The following CLCN3 variants were observed in gnomAD, a reference collection of about 807,000 sequenced individuals.
CLCN3 encodes Cl-/H+ antiporter 3.
In CLCN3, 16 loss-of-function variants were observed where a neutral mutation model predicts 83.4. The observed-to-expected ratio is 0.19, with a 90% CI of 0.13 to 0.29. The LOEUF (loss-of-function observed/expected upper bound fraction) is 0.29. CLCN3 is among the 10% of genes least tolerant of loss of function. The pLI, the probability that CLCN3 is intolerant of heterozygous loss-of-function variation, is 1.00. For synonymous variants in CLCN3, 322 were observed against 346.2 expected, an observed-to-expected ratio of 0.93 and a Z score of 0.78; for missense variants, 544 against 1,006.0, an observed-to-expected ratio of 0.54 and a Z score of 6.21.
rs1371767238 is a variant in CLCN3, at chr4:169,713,329, C to G, written c.2366+34C>G. The stretch of plus-strand genomic sequence containing the variant: ...GGTACCACAGGAATCAGTTCACTTG[C>G]TAGAATATAGGATCCTTTTTAGTGG... On this transcript the variant is annotated intron_variant, in intron 12 of 12. Coordinates refer to ENST00000513761, the MANE Select transcript of CLCN3 (RefSeq NM_001829.4). 3.3e-6 allele frequency: 5 copies of G among 1,498,886 alleles called. No homozygotes were observed. The African/African-American group carries it at 6.9e-5, about 21-fold the overall frequency. The allele number at this position is 1,498,886 out of a possible 1,614,324, so 92.8% of individuals were successfully genotyped here. A position where few individuals can be genotyped will look rare whatever the true frequency, so the allele number is the denominator to read the frequency against.
chr4:169,666,175 TA>T (rs1243728545), intron 2 of CLCN3, among the ~76,000 whole-genome samples: 1 of 152,016 alleles, frequency 6.6e-6, no homozygotes, highest in Non-Finnish European at 1.5e-5. Flanking sequence ...AAGGAAAGAT[TA>T]AAAAAACAAA....
rs1473270276 is a variant in CLCN3, at chr4:169,635,924, G to A, written c.-5G>A. Reference sequence around the variant, plus strand: ...TTTCCCCCCCACAGATAATCAGACAGCTAAATGGAGTCTGAGCAGCTGTTC... The same window carrying A: ...TTTCCCCCCCACAGATAATCAGACAACTAAATGGAGTCTGAGCAGCTGTTC... On this transcript the variant is annotated 5_prime_UTR_variant, in exon 2 of 13. Transcript: ENST00000513761. 2 of 1,570,172 alleles carry A rather than the reference G, an allele frequency of 1.3e-6. No homozygotes were observed. The highest frequency in any genetic ancestry group is 1.2e-5 in the South Asian group (1 of 84,340).
intron 2 of CLCN3, chr4:169,660,436 T>G (rs1035454971): frequency 2.2e-6 from 3 of 1,377,938 alleles, no homozygotes; most frequent in African/African-American, 1.5e-5. Flanking sequence ...CCTGAGGGAA[T>G]TACATAAAAG....
chr4:169,660,206 G>A (rs1016927166), intron 2 of CLCN3: 1 of 1,199,796 alleles, frequency 8.3e-7, no homozygotes, highest in African/African-American at 1.6e-5. Context: ...ATCATCCACT[G>A]TGGAAGAACC....
At chr4:169,671,987 A>G (rs897320407) in intron 2 of CLCN3, among the ~76,000 whole-genome samples, 3 of 152,030 alleles carry the variant, frequency 2.0e-5, no homozygotes, top group Admixed American at 1.3e-4. Context: ...CGAGGCGGGC[A>G]GATCACGAGG....
intron 7 of CLCN3, among the ~76,000 whole-genome samples, chr4:169,694,667 C>T (rs565020541): frequency 7.2e-5 from 11 of 152,054 alleles, no homozygotes; most frequent in South Asian, 6.2e-4. Flanking sequence ...GGTGAAACCC[C>T]GTCTCTACTA....
At chr4:169,707,785 T>G (rs1381689074) in intron 11 of CLCN3, among the ~76,000 whole-genome samples, 1 of 152,230 alleles carries the variant, frequency 6.6e-6, no homozygotes, top group East Asian at 1.9e-4. Context: ...TTTTTATTTC[T>G]GATCAAATGC....
chr4:169,633,179 A>T (rs1773422431), intron 1 of CLCN3, among the ~76,000 whole-genome samples: 1 of 151,956 alleles, frequency 6.6e-6, no homozygotes. Flanking sequence ...CGCCCGGCTA[A>T]TTTTTTATTT....
chr4:169,673,743 C>A (rs1320544142), intron 2 of CLCN3, among the ~76,000 whole-genome samples: 1 of 152,086 alleles, frequency 6.6e-6, no homozygotes, highest in African/African-American at 2.4e-5. Flanking sequence ...TCCCATATAC[C>A]TGTCACCCCA....
chr4:169,707,261 C>T lies in CLCN3; in HGVS notation c.2144C>T (p.Ala715Val). 1 of 1,590,782 alleles carries T rather than the reference C, an allele frequency of 6.3e-7. No homozygotes were observed. The highest frequency in any genetic ancestry group is 1.1e-5 in the South Asian group (1 of 87,820). Residue 715 changes from alanine to valine, a missense_variant, in exon 11 of 13, where the codon GCA becomes GTA. Around this residue, in one of 6 missense-constraint regions of CLCN3, gnomAD observed 142 missense variants for 225.0 expected, o/e 0.63. Coordinates refer to ENST00000513761, the MANE Select transcript of CLCN3 (RefSeq NM_001829.4). ...GCCCTCAGAAGAGACCTGACAATTG[C>T]AATAGGTACCCTTTCAAAAATATAT... ...GFALRRDLTIAIESARKKQEG... is the reference protein window; with the variant it reads ...GFALRRDLTIVIESARKKQEG...
chr4:169,655,071 ACT>A (rs1411410858), intron 2 of CLCN3, among the ~76,000 whole-genome samples: 18 of 151,744 alleles, frequency 1.2e-4, no homozygotes, highest in Non-Finnish European at 1.8e-4. Flanking sequence ...TTTTTAAATA[ACT>A]CTATTTCTAA....
intron 2 of CLCN3, among the ~76,000 whole-genome samples, chr4:169,661,077 A>G (rs1299966586): frequency 6.7e-6 from 1 of 150,118 alleles, no homozygotes; most frequent in Non-Finnish European, 1.5e-5. Context: ...AATGTCAGAA[A>G]AAATAATATT....
At chr4:169,709,730 C>T (rs1171309485) in intron 11 of CLCN3, among the ~76,000 whole-genome samples, 1 of 151,432 alleles carries the variant, frequency 6.6e-6, no homozygotes, top group African/African-American at 2.4e-5. Context: ...TAATGTTGTT[C>T]TCTGTTTCAG....
At chr4:169,651,629 C>T (rs531704140) in intron 2 of CLCN3, among the ~76,000 whole-genome samples, 1 of 152,232 alleles carries the variant, frequency 6.6e-6, no homozygotes, top group Admixed American at 6.5e-5. Context: ...AATAGTTGTG[C>T]TACTGTATTG....
At chr4:169,663,664 A>T (rs188534577) in intron 2 of CLCN3, 1 of 422,968 alleles carries the variant, frequency 2.4e-6, no homozygotes, top group Admixed American at 2.7e-5. Flanking sequence ...TATGTGTATG[A>T]AATTATTTAA....
chr4:169,716,896 C>T, intron 12 of CLCN3, among the ~76,000 whole-genome samples: 1 of 152,094 alleles, frequency 6.6e-6, no homozygotes, highest in East Asian at 1.9e-4. Flanking sequence ...AGGAAATGTC[C>T]AGTCATCCTG....
intron 3 of CLCN3, among the ~76,000 whole-genome samples, chr4:169,681,250 G>T (rs1308657088): frequency 1.3e-4 from 20 of 152,294 alleles, no homozygotes; most frequent in African/African-American, 4.8e-4. Context: ...GTTTCGCCAT[G>T]TTGGCGAGGC....
chr4:169,688,866 T>TA (rs1247789693), intron 4 of CLCN3, among the ~76,000 whole-genome samples, 177 bp from the exon 5 acceptor site: 1 of 152,166 alleles, frequency 6.6e-6, no homozygotes, highest in Non-Finnish European at 1.5e-5. Flanking sequence ...ACTTTTATTG[T>TA]AAAAAATAAC....
rs1392984486 is a variant in CLCN3 at position 169,697,719 on chromosome 4, C to A, written c.1548C>A (p.Phe516Leu). Residue 516 changes from phenylalanine (F) to leucine (L), a missense_variant, in exon 9 of 13, where the codon TTC (phenylalanine) becomes TTA (leucine). Phe to Leu is a conservative substitution (Grantham distance 22). Around this residue, in one of 6 missense-constraint regions of CLCN3, gnomAD observed 194 missense variants for 341.4 expected, o/e 0.57. Coordinates refer to ENST00000513761, the MANE Select transcript of CLCN3 (RefSeq NM_001829.4). ...TATTTAAAATCATAATGACAGTATT[C>A]ACTTTTGGCATCAAGGTAAGTGCTA... The part of the protein sequence containing the change: ...ALIFKIIMTV[F>L]TFGIKVPSGL... 6.2e-7 allele frequency: 1 copy of A among 1,606,126 alleles called. No homozygotes were observed. The highest frequency in any genetic ancestry group is 8.5e-7 in the Non-Finnish European group (1 of 1,176,582).
Sources: gnomAD v4.1 joint callset for allele counts (sites outside exome capture counted in the v4.1 genomes callset) on GRCh38, gnomAD v4.1.1 for gene constraint, gnomAD v4.1.1 regional missense constraint, MANE v1.5 for transcripts, NCBI Gene and HGNC (gene_info 2026-07-23, HGNC 2026-07-21) for gene names.